CABIN1: variants seen among roughly 807,000 people sequenced by gnomAD.
CABIN1 encodes calcineurin-binding protein cabin-1.
In CABIN1, 133 loss-of-function variants were observed where a neutral mutation model predicts 227.7. The observed-to-expected ratio is 0.58, with a 90% CI of 0.51 to 0.67. The LOEUF (loss-of-function observed/expected upper bound fraction) is 0.67. Among genes scored for constraint, CABIN1 ranks in the 30% least tolerant of loss-of-function variants. The pLI, the probability that CABIN1 is intolerant of heterozygous loss-of-function variation, is 0.00. For missense variants in CABIN1, 2,408 were observed against 2,852.5 expected (o/e 0.84, Z 3.55); for synonymous variants, 1,086 against 1,155.1 (o/e 0.94, Z 1.21).
chr22:24,056,869 G>A (rs1601826138), intron 10 of CABIN1, among the ~76,000 whole-genome samples: 2 of 152,210 alleles, frequency 1.3e-5, no homozygotes, highest in Admixed American at 1.3e-4. Context: ...GGACAAGCAG[G>A]AACCAGGCTC....
chr22:24,057,286 G>C (rs1447791089), intron 10 of CABIN1, among the ~76,000 whole-genome samples: 1 of 152,152 alleles, frequency 6.6e-6, no homozygotes, highest in Non-Finnish European at 1.5e-5. Flanking sequence ...GAGGCTTTAG[G>C]ATCCTCAATT....
intron 1 of CABIN1, among the ~76,000 whole-genome samples, chr22:24,030,520 T>G (rs543145089): frequency 6.6e-6 from 1 of 152,336 alleles, no homozygotes; most frequent in South Asian, 2.1e-4. Flanking sequence ...GTTTTTAGAT[T>G]ATGTTAAAGC....
rs547249743 is a variant in CABIN1 at position 24,088,595 on chromosome 22, G to A, written c.3525+882G>A. 5.3e-5 allele frequency among the ~76,000 whole-genome samples: 8 copies of A among 151,880 alleles called. No individual in the cohort carries two copies. In the East Asian group the frequency reaches 1.2e-3, roughly 22 times the overall value. Reference sequence around the variant, plus strand: ...TGCGCTCCAGCCTGGGCGACAGAGTGAGACTCTGTCTAAAAAAAAAAAATT... The same window carrying A: ...TGCGCTCCAGCCTGGGCGACAGAGTAAGACTCTGTCTAAAAAAAAAAAATT... On this transcript the variant is annotated intron_variant, in intron 23 of 36. Coordinates refer to ENST00000263119, the MANE Select transcript of CABIN1 (RefSeq NM_012295.4).
chr22:24,092,025 G>A (rs2147231163), intron 24 of CABIN1, 182 bp downstream of exon 24: 3 of 713,008 alleles, frequency 4.2e-6, no homozygotes, highest in South Asian at 3.8e-5. Flanking sequence ...CCCAAGGGGT[G>A]TTTATCATCC....
At chr22:24,032,094 ACT>A (rs1411548873) in intron 1 of CABIN1, among the ~76,000 whole-genome samples, 21 of 151,988 alleles carry the variant, frequency 1.4e-4, no homozygotes, top group Admixed American at 1.4e-3. Flanking sequence ...CATCTCCAAA[ACT>A]CTCTTCATCT....
At chr22:24,079,279 A>T (rs1174737580) in intron 19 of CABIN1, among the ~76,000 whole-genome samples, 1 of 151,760 alleles carries the variant, frequency 6.6e-6, no homozygotes, top group Non-Finnish European at 1.5e-5. Flanking sequence ...AGTATTTGTT[A>T]TTATTTTTTA....
chr22:24,078,947 A>T (rs890509832), intron 19 of CABIN1, among the ~76,000 whole-genome samples: 2 of 137,412 alleles, frequency 1.5e-5, no homozygotes, highest in African/African-American at 6.2e-5. Flanking sequence ...AAAATTTTAC[A>T]TACTAAATAT....
chr22:24,074,483 G>T (rs2040304375), intron 18 of CABIN1, among the ~76,000 whole-genome samples: 1 of 152,196 alleles, frequency 6.6e-6, no homozygotes, highest in South Asian at 2.1e-4. Flanking sequence ...ATTCTCATTT[G>T]TGGAGAGTGG....
At chr22:24,105,631 T>C (rs1192488969) in intron 26 of CABIN1, among the ~76,000 whole-genome samples, 2 of 152,122 alleles carry the variant, frequency 1.3e-5, no homozygotes, top group Admixed American at 1.3e-4. Flanking sequence ...AGGGTGCCTG[T>C]TTCCCTGGAA....
chr22:24,110,936 A>G (rs2042775669), intron 26 of CABIN1, among the ~76,000 whole-genome samples: 1 of 149,082 alleles, frequency 6.7e-6, no homozygotes, highest in Admixed American at 6.7e-5. Context: ...AATCTTGGTG[A>G]TTTGATGTCT....
intron 7 of CABIN1, among the ~76,000 whole-genome samples, chr22:24,049,574 T>C (rs550563566): frequency 1.3e-5 from 2 of 152,336 alleles, no homozygotes; most frequent in Non-Finnish European, 2.9e-5. Flanking sequence ...CTGCCCGAGT[T>C]CAGTGTCCCA....
Position 24,096,120 on chromosome 22 carries a change from C to G in CABIN1, c.3938+38C>G, listed in dbSNP as rs764854224. Reference sequence around the variant, plus strand: ...CTTCAGGCGACCCCTAGCAGCTTACCCCATCTGCATCCCAGATGGCTCGTT... The same window carrying G: ...CTTCAGGCGACCCCTAGCAGCTTACGCCATCTGCATCCCAGATGGCTCGTT... On this transcript the variant is annotated intron_variant, in intron 25 of 36. Coordinates refer to ENST00000263119, the MANE Select transcript of CABIN1 (RefSeq NM_012295.4). 7 of 1,611,118 alleles carry G rather than the reference C, an allele frequency of 4.3e-6. No homozygotes were observed. The South Asian group carries it at 7.7e-5, about 18-fold the overall frequency.
At chr22:24,171,064 T>C (rs2046783154) in intron 33 of CABIN1, among the ~76,000 whole-genome samples, 1 of 152,160 alleles carries the variant, frequency 6.6e-6, no homozygotes. Context: ...AAGGGCCTCA[T>C]GGCAGAGGGA....
In CABIN1 at chr22:24,072,526, G is replaced by A. The variant is rs375063705; in HGVS notation, c.2632+16G>A. On this transcript the variant is annotated intron_variant, in intron 18 of 36. Coordinates refer to ENST00000263119, the MANE Select transcript of CABIN1 (RefSeq NM_012295.4). Reference sequence around the variant, plus strand: ...GCGGAGGAAGGTGCACAGGCAGTGGGTGCAGTGGGGATGAGCTCTGACTCC... The same window carrying A: ...GCGGAGGAAGGTGCACAGGCAGTGGATGCAGTGGGGATGAGCTCTGACTCC... 6.4e-5 allele frequency: 103 copies of A among 1,614,042 alleles called. 5 individuals carry two copies. Among genetic ancestry groups the A allele is most frequent in the Admixed American group, 3.2e-4 (19 of 60,030 alleles).
At chr22:24,120,655 A>T (rs2043355780) in intron 28 of CABIN1, among the ~76,000 whole-genome samples, 1 of 152,110 alleles carries the variant, frequency 6.6e-6, no homozygotes. Context: ...TCTACTAAAA[A>T]TACAAAAGTT....
chr22:24,092,603 C>T (rs944338739), intron 24 of CABIN1, among the ~76,000 whole-genome samples: 28 of 151,948 alleles, frequency 1.8e-4, no homozygotes, highest in African/African-American at 2.4e-5. Flanking sequence ...ACCAGTCTCA[C>T]GTGCCCAGCA....
chr22:24,166,243 G>C (rs1158794016), intron 31 of CABIN1, among the ~76,000 whole-genome samples: 1 of 152,212 alleles, frequency 6.6e-6, no homozygotes, highest in African/African-American at 2.4e-5. Flanking sequence ...AAACATGCTT[G>C]GTGGCCCTGG....
Position 24,084,947 on chromosome 22 carries a change from C to G in CABIN1, c.3118-59C>G, listed in dbSNP as rs916828279. The G allele has an allele frequency of 1.9e-6, 3 of 1,605,674 alleles. No homozygotes were observed. The African/African-American group carries it at 4.0e-5, about 21-fold the overall frequency. ...CTGTGACTAAACAGTCCTGGGTTTA[C>G]TGGTCACATCTGAGTCCTTGACTCC... On this transcript the variant is annotated intron_variant, in intron 21 of 36. Coordinates refer to ENST00000263119, the MANE Select transcript of CABIN1 (RefSeq NM_012295.4).
intron 28 of CABIN1, among the ~76,000 whole-genome samples, chr22:24,130,172 T>A (rs2043986361): frequency 6.6e-6 from 1 of 152,208 alleles, no homozygotes; most frequent in Non-Finnish European, 1.5e-5. Flanking sequence ...ATCTGGCAAG[T>A]GGCTCCATGG....
Sources: allele counts gnomAD v4.1 joint callset (sites outside exome capture counted in the v4.1 genomes callset), GRCh38; gene constraint gnomAD v4.1.1; transcripts MANE v1.5; gene names NCBI Gene and HGNC (gene_info 2026-07-23, HGNC 2026-07-21).